Variants in CXADR observed in about 807,000 individuals in gnomAD.
The protein encoded by CXADR is CXADR cell adhesion molecule.
A neutral mutation model predicts 40.3 loss-of-function variants in CXADR; 20 were observed. The ratio of observed to expected loss-of-function variants is 0.50; its 90% CI spans 0.35 to 0.72. CXADR has a LOEUF of 0.72. Ranked by LOEUF, CXADR falls within the 30% of genes least tolerant of loss-of-function variation. CXADR has a pLI of 0.01. For synonymous variants in CXADR, 150 were observed against 161.3 expected (o/e 0.93, Z 0.53); for missense variants, 332 against 449.1 (o/e 0.74, Z 2.36).
At chr21:17,515,914 G>A (rs2060456442) in intron 1 of CXADR, among the ~76,000 whole-genome samples, 1 of 152,170 alleles carries the variant, frequency 6.6e-6, no homozygotes, top group Admixed American at 6.5e-5. Flanking sequence ...AGATTATACC[G>A]TCAGTGATAG....
At chr21:17,588,395 C>A (rs1440066906) in intron 7 of CXADR, among the ~76,000 whole-genome samples, 1 of 152,138 alleles carries the variant, frequency 6.6e-6, no homozygotes, top group Non-Finnish European at 1.5e-5. Context: ...TTGTTTGTAT[C>A]CTCTTTTATT....
chr21:17,598,842 A>G, the CXADR span: 1 of 1,597,332 alleles, frequency 6.3e-7, no homozygotes, highest in Non-Finnish European at 8.5e-7. Context: ...TAAAATTAAA[A>G]ACTTACAAAT....
chr21:17,566,137 G>C lies in CXADR; in HGVS notation c.*445G>C. 1.0e-6 allele frequency: 1 copy of C among 984,724 alleles called. No homozygotes were observed. The highest frequency in any genetic ancestry group is 1.2e-6 in the Non-Finnish European group (1 of 829,234). The allele number at this position is 984,724 out of a possible 1,614,324, so 61.0% of individuals were successfully genotyped here. A position where few individuals can be genotyped will look rare whatever the true frequency, so the allele number is the denominator to read the frequency against. ...TGGCCCACCAGTCTCCCCCAAATTA[G>C]TACAGAAATATCCATGACAAAATTA... On this transcript the variant is annotated 3_prime_UTR_variant, in exon 7 of 7. Transcript: ENST00000284878.
chr21:17,565,317 T>G, intron 6 of CXADR, 111 bp from the exon 7 acceptor site: 2 of 1,145,848 alleles, frequency 1.7e-6, no homozygotes, highest in South Asian at 1.5e-5. Context: ...ACACACACTT[T>G]TATATGTTTA....
chr21:17,578,884 T>C (rs942690035), intron 7 of CXADR, among the ~76,000 whole-genome samples: 1 of 152,146 alleles, frequency 6.6e-6, no homozygotes, highest in Admixed American at 6.5e-5. Flanking sequence ...TCAAATGAAA[T>C]CCTATGTAAG....
chr21:17,542,251 A>T (rs556126106), intron 1 of CXADR, among the ~76,000 whole-genome samples: 2 of 152,368 alleles, frequency 1.3e-5, no homozygotes, highest in East Asian at 3.9e-4. Context: ...GAAGGAAAAG[A>T]TCACTGAAGA....
At position 17,566,836 on chromosome 21, in the gene CXADR, G is replaced by A. The variant is rs1306978836; in HGVS notation, c.*1144G>A. ...CCATCAATTCTGTATTCCAGACTTG[G>A]GAGGATGTACAGTTGCTGTTGTGTG... On this transcript the variant is annotated 3_prime_UTR_variant, in exon 7 of 7. Transcript: ENST00000284878. The A allele has an allele frequency of 1.7e-5, 17 of 977,366 alleles. No individual in the cohort carries two copies. The highest frequency in any genetic ancestry group is 2.1e-5 in the Non-Finnish European group (17 of 822,860). 60.5% of individuals were successfully genotyped at this position (977,366 alleles called of 1,614,324 possible).
intron 1 of CXADR, among the ~76,000 whole-genome samples, chr21:17,529,791 C>T (rs776056389): frequency 9.2e-5 from 14 of 152,020 alleles, no homozygotes; most frequent in African/African-American, 3.4e-4. Context: ...ACAGTTTAGA[C>T]CATTAATTTT....
chr21:17,611,259 C>T, the CXADR span, among the ~76,000 whole-genome samples: 3 of 152,280 alleles, frequency 2.0e-5, no homozygotes, highest in Middle Eastern at 3.4e-3. Context: ...TTAGCCTCCA[C>T]TCCAGCAAAG....
chr21:17,609,725 A>G, the CXADR span, among the ~76,000 whole-genome samples: 629 of 152,368 alleles, frequency 4.1e-3, 15 homozygotes, highest in Admixed American at 0.038. Context: ...AAATGCCCAT[A>G]GCAGTATTCA....
intron 1 of CXADR, among the ~76,000 whole-genome samples, chr21:17,517,530 A>G (rs775354418): frequency 2.4e-4 from 36 of 152,174 alleles, no homozygotes; most frequent in Admixed American, 5.9e-4. Context: ...CACATTCCCA[A>G]TTTCAACCTT....
the CXADR span, chr21:17,599,016 G>A: frequency 2.0e-6 from 1 of 496,326 alleles, no homozygotes; most frequent in African/African-American, 2.0e-5. Flanking sequence ...TTCTACTTCT[G>A]GTCTATTTAA....
intron 7 of CXADR, among the ~76,000 whole-genome samples, chr21:17,586,900 C>A (rs1369074333): frequency 6.6e-6 from 1 of 152,090 alleles, no homozygotes; most frequent in Non-Finnish European, 1.5e-5. Flanking sequence ...CCCCTCACCC[C>A]ACAACAGTCC....
the CXADR span, among the ~76,000 whole-genome samples, chr21:17,621,464 C>T: frequency 1.3e-5 from 2 of 152,080 alleles, no homozygotes; most frequent in Admixed American, 1.3e-4. Context: ...TAGAAAGGAT[C>T]AAAAGGAAAT....
At chr21:17,581,445 A>G (rs1205504642) in intron 7 of CXADR, among the ~76,000 whole-genome samples, 1 of 152,218 alleles carries the variant, frequency 6.6e-6, no homozygotes, top group African/African-American at 2.4e-5. Context: ...CCATACTTTT[A>G]TCCAACTTCT....
At chr21:17,526,022 A>C (rs897793482) in intron 1 of CXADR, among the ~76,000 whole-genome samples, 1 of 152,266 alleles carries the variant, frequency 6.6e-6, no homozygotes, top group African/African-American at 2.4e-5. Context: ...CATGTATTCA[A>C]ATGAAAAATA....
chr21:17,605,836 T>C, the CXADR span, among the ~76,000 whole-genome samples: 1 of 152,210 alleles, frequency 6.6e-6, no homozygotes, highest in African/African-American at 2.4e-5. Flanking sequence ...TCAAGAGAAC[T>C]TGGATTTCAG....
At chr21:17,604,937 G>A in the CXADR span, 1 of 1,614,154 alleles carries the variant, frequency 6.2e-7, no homozygotes, top group African/African-American at 1.3e-5. Context: ...AGATGCAGCT[G>A]TTTTCACAGG....
chr21:17,561,537 A>T (rs760896186), intron 6 of CXADR, 61 bp downstream of exon 6: 21 of 1,438,552 alleles, frequency 1.5e-5, no homozygotes, highest in Non-Finnish European at 1.9e-5. Context: ...TCTCTAAAGC[A>T]TTCGTTCTCT....
Sources: gnomAD v4.1 joint callset for allele counts (sites outside exome capture counted in the v4.1 genomes callset) on GRCh38, gnomAD v4.1.1 for gene constraint, MANE v1.5 for transcripts, NCBI Gene and HGNC (gene_info 2026-07-23, HGNC 2026-07-21) for gene names.